Variants in KLK4 observed in about 807,000 individuals in gnomAD.
KLK4 encodes kallikrein related peptidase 4, also known as kallikrein-4.
Under a neutral mutation model 24.3 loss-of-function variants are expected in KLK4, and 24 were observed. The observed-to-expected ratio is 0.99, with a 90% CI of 0.72 to 1.39. KLK4 has a LOEUF of 1.39. KLK4 is among the 40% of genes most tolerant of loss of function. The probability of loss-of-function intolerance (pLI) is 0.00; values close to 1 mark genes in which losing one functional copy is unlikely to be tolerated. For synonymous variants in KLK4, 142 were observed against 138.8 expected, an observed-to-expected ratio of 1.02 and a Z score of -0.16; for missense variants, 344 against 327.4, an observed-to-expected ratio of 1.05 and a Z score of -0.39.
chr19:50,909,693 G>A (rs1213838289), intron 2 of KLK4, among the ~76,000 whole-genome samples: 1 of 152,012 alleles, frequency 6.6e-6, no homozygotes, highest in African/African-American at 2.4e-5. Context: ...GGCTCCTGGG[G>A]GTGGGGTTAT....
At position 50,910,551 on chromosome 19, in the gene KLK4, G is replaced by T; in HGVS notation, c.61+127C>A. ...TTGCAGGGGCACAGCCATGGGGGAC[G>T]GATAACACGGTACCGTCTCACAGGC... On this transcript the variant is annotated intron_variant, in intron 2 of 5. Coordinates refer to ENST00000324041, the Ensembl canonical transcript of KLK4. This position sits in a 1 kb window ranked among gnomAD's most constrained non-coding sequence, Gnocchi z 4.4. 1 of 865,412 alleles carries T rather than the reference G, an allele frequency of 1.2e-6. No individual in the cohort carries two copies. The highest frequency in any genetic ancestry group is 1.9e-6 in the Non-Finnish European group (1 of 522,814). 53.6% of individuals were successfully genotyped at this position (865,412 alleles called of 1,614,324 possible).
In KLK4 at chr19:50,909,424, G is replaced by A. The variant is rs1192256691; in HGVS notation, c.62-10C>T. 1 of 1,613,930 alleles carries A rather than the reference G, an allele frequency of 6.2e-7. No homozygotes were observed. Among genetic ancestry groups the A allele is most frequent in the South Asian group, 1.1e-5 (1 of 91,078 alleles). The stretch of plus-strand genomic sequence containing the variant: ...CCAGAGACGAGCGATCCTGAGGGCG[G>A]AGTCAGGGATGGGATCGGGACCAGG... On this transcript the variant is annotated splice_polypyrimidine_tract_variant and intron_variant, in intron 2 of 5. Coordinates refer to ENST00000324041, the Ensembl canonical transcript of KLK4.
chr19:50,908,457 C>A, exon 5 of KLK4: 3 of 1,614,192 alleles, frequency 1.9e-6, no homozygotes, highest in Non-Finnish European at 2.5e-6. Flanking sequence ...TCAGACACCA[C>A]CGACACGTTC....
intron 2 of KLK4, among the ~76,000 whole-genome samples, chr19:50,909,971 G>A (rs771240469): frequency 3.3e-5 from 5 of 151,978 alleles, no homozygotes; most frequent in East Asian, 1.9e-4. Context: ...CTTCTGGGGC[G>A]GAGTCAGGGC....
At chr19:50,909,028 A>G in intron 3 of KLK4, 199 bp from the exon 4 acceptor site, 1 of 1,482,616 alleles carries the variant, frequency 6.7e-7, no homozygotes, top group Non-Finnish European at 8.9e-7. Context: ...TTCACTAGAG[A>G]CTCAGCACTG....
At position 50,910,667 on chromosome 19, in the gene KLK4, T is replaced by C. The variant is rs1427009683; in HGVS notation, c.61+11A>G. The C allele has an allele frequency of 3.2e-6, 5 of 1,553,314 alleles. No homozygotes were observed. The South Asian group carries it at 4.8e-5, about 15-fold the overall frequency. The stretch of plus-strand genomic sequence containing the variant: ...AAGCACGGACAGACACACACACGCA[T>C]ACTCAGATACCTGCGACACCAAGGA... On this transcript the variant is annotated intron_variant, in intron 2 of 5. Coordinates refer to ENST00000324041, the Ensembl canonical transcript of KLK4. The surrounding 1 kb of genome is among the most constrained non-coding windows in gnomAD (Gnocchi z 4.4).
Position 50,910,829 on chromosome 19 carries a change from TTCTTC to T in KLK4, c.-11-85_-11-81del. ...TCCATCCCTCTCTTTGTCCCTCCCT[TTCTTC>T]CCTCTGGGACGTTATTAGGTAGGCA... On this transcript the variant is annotated intron_variant, in intron 1 of 5. Coordinates refer to ENST00000324041, the Ensembl canonical transcript of KLK4. This position sits in a 1 kb window ranked among gnomAD's most constrained non-coding sequence, Gnocchi z 4.4. 8.0e-7 allele frequency: 1 copy of T among 1,254,046 alleles called. No individual in the cohort carries two copies. The highest frequency in any genetic ancestry group is 2.0e-5 in the Admixed American group (1 of 50,604). 77.7% of individuals were successfully genotyped at this position (1,254,046 alleles called of 1,614,324 possible). A position where few individuals can be genotyped will look rare whatever the true frequency, so the allele number is the denominator to read the frequency against.
intron 2 of KLK4, among the ~76,000 whole-genome samples, chr19:50,909,692 G>A (rs2090470048): frequency 6.6e-6 from 1 of 151,984 alleles, no homozygotes; most frequent in Non-Finnish European, 1.5e-5. Context: ...GGGCTCCTGG[G>A]GGTGGGGTTA....
At position 50,910,180 on chromosome 19, in the gene KLK4, C is replaced by T. The variant is rs760667510; in HGVS notation, c.61+498G>A. ...CAGACTGATGCTCAAAGAGTCGGTC[C>T]TGCGCCGAGTCACTCCTATCCTCTC... On this transcript the variant is annotated intron_variant, in intron 2 of 5. Coordinates refer to ENST00000324041, the Ensembl canonical transcript of KLK4. This position sits in a 1 kb window ranked among gnomAD's most constrained non-coding sequence, Gnocchi z 4.4. Among the ~76,000 whole-genome samples the T allele has an allele frequency of 3.9e-5, 6 of 152,010 alleles. No homozygotes were observed. Among genetic ancestry groups the T allele is most frequent in the Non-Finnish European group, 8.8e-5 (6 of 67,998 alleles).
At position 50,909,324 on chromosome 19, in the gene KLK4, TC is replaced by T. The variant is rs1411834293; in HGVS notation, c.151del (p.Glu51LysfsTer118). ...GACGCCCGAGCAGAACAATTCGTTT[TC>T]CATGACCAGTGCCGCCTGCCAGGGC... On this transcript the variant is annotated frameshift_variant, in exon 3 of 6. Coordinates refer to ENST00000324041, the Ensembl canonical transcript of KLK4. LOFTEE classifies it high-confidence loss of function. The T allele has an allele frequency of 4.8e-5, 78 of 1,614,078 alleles. No homozygotes were observed. The highest frequency in any genetic ancestry group is 6.6e-5 in the Non-Finnish European group (78 of 1,180,046).
chr19:50,907,072 C>G (rs1398816587), exon 6 of KLK4: 2 of 1,613,868 alleles, frequency 1.2e-6, no homozygotes, highest in Admixed American at 1.7e-5. Flanking sequence ...AGATCAGGGG[C>G]CCCCCAGAGT....
At chr19:50,908,858 T>G in intron 3 of KLK4, 29 bp from the exon 4 acceptor site, 1 of 1,607,338 alleles carries the variant, frequency 6.2e-7, no homozygotes, top group South Asian at 1.1e-5. Context: ...AGGTCAGTTT[T>G]GTGGCAACTA....
chr19:50,906,969 T>C (rs1303175687), exon 6 of KLK4: 4 of 1,614,004 alleles, frequency 2.5e-6, no homozygotes, highest in Non-Finnish European at 3.4e-6. Flanking sequence ...ATCCACTCAG[T>C]GAATTTGCAG....
exon 5 of KLK4, chr19:50,908,404 G>T: frequency 6.2e-7 from 1 of 1,614,094 alleles, no homozygotes; most frequent in Non-Finnish European, 8.5e-7. Context: ...CGCAGAACAT[G>T]CTGGGGTGGT....
Position 50,908,713 on chromosome 19 carries a change from G to A in KLK4, c.341C>T (p.Ala114Val). 3 of 1,614,200 alleles carry A rather than the reference G, an allele frequency of 1.9e-6. No individual in the cohort carries two copies. Among genetic ancestry groups the A allele is most frequent in the Middle Eastern group, 3.3e-4 (2 of 6,062 alleles). Reference sequence around the variant, plus strand: ...CAACTTGATGAGCATGAGGTCGTTAGCGAGCAAGGGTCTGTTGTACTCTGG... The same window carrying A: ...CAACTTGATGAGCATGAGGTCGTTAACGAGCAAGGGTCTGTTGTACTCTGG... The change falls in exon 4 of 6, where the codon GCT becomes GTT. Residue 114 changes from alanine (A) to valine (V), a missense_variant. Ala to Val is a moderately conservative substitution (Grantham distance 64, BLOSUM62 0). Transcript: ENST00000324041.
rs551550253 is a variant in KLK4 at position 50,910,484 on chromosome 19, C to T, written c.61+194G>A. 6.6e-6 allele frequency among the ~76,000 whole-genome samples: 1 copy of T among 152,040 alleles called. No individual in the cohort carries two copies. Among genetic ancestry groups the T allele is most frequent in the Non-Finnish European group, 1.5e-5 (1 of 67,992 alleles). ...GAGTCTCACAGGTACAACCACACAC[C>T]CAGGCACACTGCCACACACAAATTT... On this transcript the variant is annotated intron_variant, in intron 2 of 5. Transcript: ENST00000324041. This position sits in a 1 kb window ranked among gnomAD's most constrained non-coding sequence, Gnocchi z 4.4.
At position 50,910,071 on chromosome 19, in the gene KLK4, C is replaced by T. The variant is rs573259755; in HGVS notation, c.61+607G>A. On this transcript the variant is annotated intron_variant, in intron 2 of 5. Coordinates refer to ENST00000324041, the Ensembl canonical transcript of KLK4. The surrounding 1 kb of genome is among the most constrained non-coding windows in gnomAD (Gnocchi z 4.4). The stretch of plus-strand genomic sequence containing the variant: ...TCAACAGAGGAGTCTAGGCTCATAG[C>T]AGTAGGATCGGGTCCTTCGGGGTGA... 6.6e-6 allele frequency among the ~76,000 whole-genome samples: 1 copy of T among 151,934 alleles called. No individual in the cohort carries two copies. The highest frequency in any genetic ancestry group is 2.4e-5 in the African/African-American group (1 of 41,316).
Position 50,908,687 on chromosome 19 carries a change from C to A in KLK4, c.367G>T (p.Asp123Tyr), listed in dbSNP as rs747761910. 7.4e-6 allele frequency: 12 copies of A among 1,614,052 alleles called. No homozygotes were observed. The African/African-American group carries it at 1.6e-4, about 22-fold the overall frequency. The change falls in exon 4 of 6, where the codon GAC becomes TAC. Residue 123 changes from aspartate to tyrosine, a missense_variant. Transcript: ENST00000324041. ...GTGTCAGACTCGGACACGGATTCGT[C>A]CAACTTGATGAGCATGAGGTCGTTA...
At chr19:50,906,868 A>G in exon 6 of KLK4, 1 of 1,597,080 alleles carries the variant, frequency 6.3e-7, no homozygotes. Flanking sequence ...CTGGGAACAG[A>G]TATTCCTGAA....
Sources: gnomAD v4.1 joint callset for allele counts (sites outside exome capture counted in the v4.1 genomes callset) on GRCh38, gnomAD v4.1.1 for gene constraint, Gnocchi (gnomAD v3.1) non-coding constraint, MANE v1.5 for transcripts, NCBI Gene and HGNC (gene_info 2026-07-23, HGNC 2026-07-21) for gene names.